The following RPRD1A variants were observed in gnomAD, a reference collection of about 807,000 sequenced individuals.
RPRD1A encodes the protein regulation of nuclear pre-mRNA domain containing 1A.
RPRD1A carries 9 observed loss-of-function variants against 37.8 expected under a neutral mutation model. The observed-to-expected ratio is 0.24, with a 90% CI of 0.14 to 0.42. RPRD1A has a LOEUF of 0.42. RPRD1A is among the 10% of genes least tolerant of loss of function. The pLI is 1.00. For synonymous variants in RPRD1A, 138 were observed against 139.7 expected (o/e 0.99, Z 0.08); for missense variants, 255 against 371.0 (o/e 0.69, Z 2.57).
chr18:36,047,436 A>C (rs1333057349), intron 1 of RPRD1A, among the ~76,000 whole-genome samples: 1 of 152,124 alleles, frequency 6.6e-6, no homozygotes, highest in Non-Finnish European at 1.5e-5. Context: ...AAAGAAGAAG[A>C]AAACTAACCC....
intron 1 of RPRD1A, among the ~76,000 whole-genome samples, chr18:36,062,784 G>A (rs979000635): frequency 6.6e-6 from 1 of 152,186 alleles, no homozygotes. Context: ...CTAGGGTTGG[G>A]AGAGATGGGG....
chr18:36,025,355 CATTATT>C (rs995227808), intron 6 of RPRD1A: 1 of 292,578 alleles, frequency 3.4e-6, no homozygotes, highest in African/African-American at 2.2e-5. Flanking sequence ...TGAATGTTAA[CATTATT>C]ATTATCATCA....
In RPRD1A at chr18:35,992,850, CAA is replaced by C. The variant is rs58228849; in HGVS notation, c.*299_*300del. On this transcript the variant is annotated 3_prime_UTR_variant, in exon 7 of 7. Coordinates refer to ENST00000399022, the MANE Select transcript of RPRD1A (RefSeq NM_018170.5). ...TTGAAAATACCTGAAGAAATACAAACAAGAGATTTCTCACAAGGCCTTGGATC... is the reference window on the plus strand; with the variant it reads ...TTGAAAATACCTGAAGAAATACAAACGAGATTTCTCACAAGGCCTTGGATC... 3.8e-4 allele frequency: 84 copies of C among 220,616 alleles called. 1 individual carries two copies. In the East Asian group the frequency reaches 4.0e-3, roughly 11 times the overall value. The allele number at this position is 220,616 out of a possible 1,614,324, so 13.7% of individuals were successfully genotyped here. A position where few individuals can be genotyped will look rare whatever the true frequency, so the allele number is the denominator to read the frequency against.
At chr18:36,048,118 G>A (rs975546723) in intron 1 of RPRD1A, among the ~76,000 whole-genome samples, 11 of 144,320 alleles carry the variant, frequency 7.6e-5, no homozygotes, top group South Asian at 4.3e-4. Context: ...CCAAGCTGGA[G>A]TGCAATGGCG....
intron 1 of RPRD1A, among the ~76,000 whole-genome samples, chr18:36,043,862 A>G (rs543251734): frequency 6.6e-6 from 1 of 152,332 alleles, no homozygotes; most frequent in East Asian, 1.9e-4. Context: ...ATTGGGGGTA[A>G]AGGGGTCCAA....
intron 1 of RPRD1A, among the ~76,000 whole-genome samples, chr18:36,034,051 C>G (rs1359578035): frequency 1.3e-5 from 2 of 151,934 alleles, no homozygotes; most frequent in Non-Finnish European, 2.9e-5. Context: ...ATCTCGGTGA[C>G]TCTATCCTGT....
chr18:36,061,280 T>C (rs1272232417), intron 1 of RPRD1A, among the ~76,000 whole-genome samples: 2 of 152,204 alleles, frequency 1.3e-5, no homozygotes, highest in African/African-American at 4.8e-5. Flanking sequence ...GGATAAACTG[T>C]TTTCCCTTTG....
chr18:36,042,911 C>T (rs917955470), intron 1 of RPRD1A, among the ~76,000 whole-genome samples: 1 of 152,232 alleles, frequency 6.6e-6, no homozygotes, highest in South Asian at 2.1e-4. Flanking sequence ...AATGCACATA[C>T]CTTCTTCACC....
intron 6 of RPRD1A, among the ~76,000 whole-genome samples, chr18:36,007,608 C>T (rs150072959): frequency 1.3e-5 from 2 of 152,190 alleles, no homozygotes; most frequent in South Asian, 2.1e-4. Flanking sequence ...GAGATCACCA[C>T]CAAAATCAAC....
chr18:36,024,143 G>A lies in RPRD1A; in HGVS notation c.789+2757C>T, dbSNP rs560993177. 1.3e-5 allele frequency among the ~76,000 whole-genome samples: 2 copies of A among 149,898 alleles called. 1 individual carries two copies. Among genetic ancestry groups the A allele is most frequent in the African/African-American group, 4.8e-5 (2 of 41,316 alleles). On this transcript the variant is annotated intron_variant, in intron 6 of 6. Coordinates refer to ENST00000399022, the MANE Select transcript of RPRD1A (RefSeq NM_018170.5). ...GTCTATTTTAACAGTTATCTCGTGT[G>A]TGTGTGTGCACGCGCACGCGCGTGA...
intron 6 of RPRD1A, among the ~76,000 whole-genome samples, chr18:36,009,235 G>C (rs990982551): frequency 3.3e-5 from 5 of 152,084 alleles, no homozygotes; most frequent in Admixed American, 1.3e-4. Context: ...GATTATCCCA[G>C]CAACTGGTTT....
chr18:35,998,466 G>T (rs1460226713), intron 6 of RPRD1A, among the ~76,000 whole-genome samples: 1 of 152,116 alleles, frequency 6.6e-6, no homozygotes, highest in Non-Finnish European at 1.5e-5. Context: ...TCTGTTGACC[G>T]AAGCCACTTT....
chr18:36,034,896 CCTT>C (rs1912082199), intron 1 of RPRD1A, among the ~76,000 whole-genome samples: 1 of 152,216 alleles, frequency 6.6e-6, no homozygotes, highest in Non-Finnish European at 1.5e-5. Flanking sequence ...AGAAGCCCAA[CCTT>C]CTCATATACT....
At chr18:36,057,992 A>G (rs954862580) in intron 1 of RPRD1A, among the ~76,000 whole-genome samples, 3 of 152,212 alleles carry the variant, frequency 2.0e-5, no homozygotes, top group South Asian at 2.1e-4. Context: ...TTGTTCACTA[A>G]GACAGTAAGG....
At chr18:36,028,626 G>C (rs1911547821) in intron 4 of RPRD1A, among the ~76,000 whole-genome samples, 1 of 152,148 alleles carries the variant, frequency 6.6e-6, no homozygotes, top group Admixed American at 6.5e-5. Flanking sequence ...CCCAATGCCT[G>C]ATCAAGCATC....
intron 2 of RPRD1A, among the ~76,000 whole-genome samples, chr18:36,032,115 C>G (rs767289292): frequency 2.0e-5 from 3 of 152,206 alleles, no homozygotes; most frequent in Non-Finnish European, 2.9e-5. Flanking sequence ...TATCTCATCA[C>G]ATAACTGAGC....
Position 36,027,317 on chromosome 18 carries a change from A to C in RPRD1A, c.487-7T>G, listed in dbSNP as rs1277701075. On this transcript the variant is annotated splice_region_variant and splice_polypyrimidine_tract_variant and intron_variant, in intron 4 of 6. Transcript: ENST00000399022. ...CTCTAACGAGATCTAGAGTCTAAAA[A>C]GTACACAACTTCAGAACCAAAATAA... 1 of 1,613,200 alleles carries C rather than the reference A, an allele frequency of 6.2e-7. No individual in the cohort carries two copies. The highest frequency in any genetic ancestry group is 1.7e-5 in the Admixed American group (1 of 59,834).
At chr18:36,063,260 G>A (rs2088952347) in intron 1 of RPRD1A, among the ~76,000 whole-genome samples, 1 of 152,180 alleles carries the variant, frequency 6.6e-6, no homozygotes, top group South Asian at 2.1e-4. Flanking sequence ...TTGGCTCACT[G>A]CAGCCTAAAC....
At chr18:36,035,862 G>A (rs1196893950) in intron 1 of RPRD1A, among the ~76,000 whole-genome samples, 1 of 152,150 alleles carries the variant, frequency 6.6e-6, no homozygotes, top group East Asian at 1.9e-4. Flanking sequence ...ACCACTGTAT[G>A]ATTCTACTTA....
Sources: allele counts gnomAD v4.1 joint callset (sites outside exome capture counted in the v4.1 genomes callset), GRCh38; gene constraint gnomAD v4.1.1; transcripts MANE v1.5; gene names NCBI Gene and HGNC (gene_info 2026-07-23, HGNC 2026-07-21).